MAP3K5: variants seen among roughly 807,000 people sequenced by gnomAD.
The protein encoded by MAP3K5 is ASK-1.
MAP3K5 carries 56 observed loss-of-function variants against 158.7 expected under a neutral mutation model. The ratio of observed to expected loss-of-function variants is 0.35; its 90% confidence interval spans 0.28 to 0.44. The LOEUF (loss-of-function observed/expected upper bound fraction) is 0.44, where lower values mean the gene tolerates loss of function less well. Ranked by LOEUF, MAP3K5 falls within the 20% of genes least tolerant of loss-of-function variation. The pLI is 1.00. For missense variants in MAP3K5, 1,294 were observed against 1,674.8 expected (o/e 0.77, Z 3.97); for synonymous variants, 579 against 601.7 (o/e 0.96, Z 0.55).
chr6:136,689,878 A>G (rs1322222238), intron 7 of MAP3K5, among the ~76,000 whole-genome samples: 1 of 152,160 alleles, frequency 6.6e-6, no homozygotes, highest in Non-Finnish European at 1.5e-5. Flanking sequence ...TGTGAAAATG[A>G]TCTAAGATTT....
intron 26 of MAP3K5, among the ~76,000 whole-genome samples, chr6:136,563,055 T>C (rs1830588315): frequency 6.6e-6 from 1 of 152,006 alleles, no homozygotes; most frequent in South Asian, 2.1e-4. Flanking sequence ...CAGATACTGG[T>C]CCAGTGCCCC....
At chr6:136,647,357 C>A (rs1390500830) in intron 11 of MAP3K5, among the ~76,000 whole-genome samples, 1 of 152,206 alleles carries the variant, frequency 6.6e-6, no homozygotes, top group East Asian at 1.9e-4. Flanking sequence ...ATTTTACATA[C>A]ATGGCAACTA....
chr6:136,566,190 A>G (rs1214831715), intron 26 of MAP3K5, among the ~76,000 whole-genome samples: 3 of 152,140 alleles, frequency 2.0e-5, no homozygotes, highest in African/African-American at 7.2e-5. Flanking sequence ...GAGAGAAGGA[A>G]AAGGACTTGT....
At position 136,626,742 on chromosome 6, in the gene MAP3K5, C is replaced by T. The variant is rs188773020; in HGVS notation, c.2017-3761G>A. Among the ~76,000 whole-genome samples, 5 of 152,182 alleles carry T rather than the reference C, an allele frequency of 3.3e-5. No homozygotes were observed. In the East Asian group the frequency reaches 7.7e-4, roughly 23 times the overall value. On this transcript the variant is annotated intron_variant, in intron 14 of 29. Coordinates refer to ENST00000359015, the MANE Select transcript of MAP3K5 (RefSeq NM_005923.4). Reference sequence around the variant, plus strand: ...AACCTATACACTCCATCTAGTACCACCACCATTTTACACTACAATGCTTTA... The same window carrying T: ...AACCTATACACTCCATCTAGTACCATCACCATTTTACACTACAATGCTTTA...
chr6:136,560,583 T>G lies in MAP3K5; in HGVS notation c.3987+950A>C, dbSNP rs148628886. 6.5e-3 allele frequency among the ~76,000 whole-genome samples: 995 copies of G among 152,306 alleles called. 17 individuals carry two copies. Among genetic ancestry groups the G allele is most frequent in the African/African-American group, 0.022 (929 of 41,554 alleles). Reference sequence around the variant, plus strand: ...ATATTTCTGAAATAAGTCGACCAGATTGATTTTATTAAGTAGCAATAAAAT... The same window carrying G: ...ATATTTCTGAAATAAGTCGACCAGAGTGATTTTATTAAGTAGCAATAAAAT... On this transcript the variant is annotated intron_variant, in intron 28 of 29. Coordinates refer to ENST00000359015, the MANE Select transcript of MAP3K5 (RefSeq NM_005923.4).
intron 8 of MAP3K5, among the ~76,000 whole-genome samples, chr6:136,665,557 G>C (rs998936065): frequency 6.6e-6 from 1 of 152,020 alleles, no homozygotes; most frequent in African/African-American, 2.4e-5. Flanking sequence ...TGTTCATCAG[G>C]CTGGTCTTGA....
At chr6:136,622,284 G>T (rs1776841070) in intron 15 of MAP3K5, among the ~76,000 whole-genome samples, 1 of 152,080 alleles carries the variant, frequency 6.6e-6, no homozygotes, top group Non-Finnish European at 1.5e-5. Flanking sequence ...CTAGAGATTT[G>T]TCAGTTACAG....
At chr6:136,595,481 A>C (rs770016798) in intron 21 of MAP3K5, among the ~76,000 whole-genome samples, 33 of 152,176 alleles carry the variant, frequency 2.2e-4, no homozygotes, top group Non-Finnish European at 4.0e-4. Flanking sequence ...TCATTCATCC[A>C]ACATACAGTT....
intron 13 of MAP3K5, 37 bp downstream of exon 13, chr6:136,639,506 A>G (rs1257504174): frequency 8.6e-7 from 1 of 1,169,430 alleles, no homozygotes; most frequent in East Asian, 2.4e-5. Context: ...TGATCAGGTA[A>G]GAAGAATCTT....
chr6:136,711,440 A>G (rs2114736959), intron 2 of MAP3K5, among the ~76,000 whole-genome samples: 1 of 152,206 alleles, frequency 6.6e-6, no homozygotes, highest in East Asian at 1.9e-4. Context: ...AGAGGCAGGC[A>G]GATCACTGGA....
intron 19 of MAP3K5, 45 bp from the exon 20 acceptor site, chr6:136,602,024 A>T: frequency 1.3e-6 from 2 of 1,512,602 alleles, no homozygotes; most frequent in East Asian, 2.3e-5. Context: ...CTGAGTGAAC[A>T]TCTCAGCACC....
chr6:136,741,441 G>C (rs1033781705), intron 1 of MAP3K5, among the ~76,000 whole-genome samples: 1 of 151,312 alleles, frequency 6.6e-6, no homozygotes, highest in Admixed American at 6.6e-5. Flanking sequence ...TTCACAGCTG[G>C]AGAAGCCTGA....
intron 9 of MAP3K5, among the ~76,000 whole-genome samples, chr6:136,657,971 TA>T (rs1389559413): frequency 1.3e-5 from 2 of 152,220 alleles, no homozygotes; most frequent in African/African-American, 4.8e-5. Flanking sequence ...ACAATTAAAC[TA>T]TATTGATTTA....
At chr6:136,645,766 G>T (rs553969036) in intron 11 of MAP3K5, among the ~76,000 whole-genome samples, 21 of 152,260 alleles carry the variant, frequency 1.4e-4, no homozygotes, top group African/African-American at 4.8e-4. Flanking sequence ...TTCAAGTTTT[G>T]AAAGTTGCAG....
intron 7 of MAP3K5, among the ~76,000 whole-genome samples, chr6:136,672,693 T>G (rs981692841): frequency 6.6e-6 from 1 of 151,930 alleles, no homozygotes; most frequent in South Asian, 2.1e-4. Context: ...AAAAAAGTCT[T>G]CCCTTTAAGA....
chr6:136,789,671 A>T (rs1218363097), intron 1 of MAP3K5, among the ~76,000 whole-genome samples: 1 of 137,986 alleles, frequency 7.2e-6, no homozygotes, highest in Non-Finnish European at 1.5e-5. Context: ...GCCAAGCACA[A>T]CCTCTTTTTT....
chr6:136,781,809 C>A (rs1008574870), intron 1 of MAP3K5, among the ~76,000 whole-genome samples: 1 of 152,178 alleles, frequency 6.6e-6, no homozygotes, highest in Non-Finnish European at 1.5e-5. Context: ...TAGCTACAGG[C>A]CAAAGCGGTG....
chr6:136,733,520 C>T (rs560242271), intron 1 of MAP3K5, among the ~76,000 whole-genome samples: 4 of 152,246 alleles, frequency 2.6e-5, no homozygotes, highest in African/African-American at 7.2e-5. Flanking sequence ...TAGAAAAGTA[C>T]AAATAGGTCC....
At chr6:136,692,726 G>A (rs1448305437) in intron 7 of MAP3K5, among the ~76,000 whole-genome samples, 4 of 152,116 alleles carry the variant, frequency 2.6e-5, no homozygotes, top group Non-Finnish European at 5.9e-5. Context: ...GGTATATGGC[G>A]TTTTTAAGCC....
Sources: gnomAD v4.1 joint callset for allele counts (sites outside exome capture counted in the v4.1 genomes callset) on GRCh38, gnomAD v4.1.1 for gene constraint, MANE v1.5 for transcripts, NCBI Gene and HGNC (gene_info 2026-07-23, HGNC 2026-07-21) for gene names.